Variants in KCNS3 observed in about 807,000 individuals in gnomAD.
The protein encoded by KCNS3 is delayed-rectifier potassium channel regulatory subunit KCNS3.
KCNS3 carries 13 observed loss-of-function variants against 31.0 expected under a neutral mutation model. That is an observed-to-expected ratio of 0.42 (90% confidence interval 0.27 to 0.67). KCNS3 has a LOEUF of 0.67. Ranked by LOEUF, KCNS3 falls within the 30% of genes least tolerant of loss-of-function variation. The probability of loss-of-function intolerance (pLI) is 0.25; values close to 1 mark genes in which losing one functional copy is unlikely to be tolerated. For synonymous variants in KCNS3, 238 were observed against 241.5 expected (o/e 0.99, Z 0.13); for missense variants, 545 against 622.4 (o/e 0.88, Z 1.32).
chr2:17,930,255 G>T (rs1254568745), intron 2 of KCNS3, among the ~76,000 whole-genome samples: 1 of 152,136 alleles, frequency 6.6e-6, no homozygotes, highest in Admixed American at 6.5e-5. Flanking sequence ...CCCAAGTCAG[G>T]TTCTTTTCAT....
intron 1 of KCNS3, among the ~76,000 whole-genome samples, chr2:17,907,403 C>T (rs900328618): frequency 9.2e-5 from 14 of 152,296 alleles, no homozygotes; most frequent in African/African-American, 3.4e-4. Context: ...TGGGTCTTGA[C>T]TCTTTGTCCA....
intron 1 of KCNS3, among the ~76,000 whole-genome samples, chr2:17,893,298 A>G (rs1661902994): frequency 6.6e-6 from 1 of 152,138 alleles, no homozygotes; most frequent in Non-Finnish European, 1.5e-5. Context: ...GTCTGTTTCC[A>G]GGTGGAGAGT....
intron 1 of KCNS3, among the ~76,000 whole-genome samples, chr2:17,911,119 C>T (rs931584046): frequency 2.0e-4 from 31 of 152,300 alleles, no homozygotes; most frequent in African/African-American, 5.8e-4. Context: ...TTCCTTATCT[C>T]GAGGGACTCT....
chr2:17,884,268 A>AAAATATATATATATATAT (rs1459540269), intron 1 of KCNS3, among the ~76,000 whole-genome samples: 5 of 46,692 alleles, frequency 1.1e-4, no homozygotes, highest in South Asian at 9.0e-4. Context: ...AAAAAAAAAA[A>AAAATATATATATATATAT]ATATATATAT....
intron 1 of KCNS3, among the ~76,000 whole-genome samples, chr2:17,894,444 A>G (rs1444629512): frequency 6.6e-6 from 1 of 152,200 alleles, no homozygotes; most frequent in African/African-American, 2.4e-5. Flanking sequence ...AGAGCATATT[A>G]TATTTTTTTG....
intron 1 of KCNS3, among the ~76,000 whole-genome samples, chr2:17,912,902 A>G (rs1036029321): frequency 1.3e-5 from 2 of 152,254 alleles, no homozygotes; most frequent in Non-Finnish European, 1.5e-5. Context: ...ATTTTTAAAA[A>G]TCATGTTAAT....
chr2:17,929,869 G>A (rs1311345969), intron 2 of KCNS3, among the ~76,000 whole-genome samples: 1 of 152,198 alleles, frequency 6.6e-6, no homozygotes, highest in Non-Finnish European at 1.5e-5. Flanking sequence ...GCTGAGAGCA[G>A]TACCCATTTT....
At chr2:17,898,886 C>G (rs940441141) in intron 1 of KCNS3, among the ~76,000 whole-genome samples, 1 of 152,128 alleles carries the variant, frequency 6.6e-6, no homozygotes, top group African/African-American at 2.4e-5. Context: ...ACTTTCAATT[C>G]CAGTTCTTTC....
intron 2 of KCNS3, among the ~76,000 whole-genome samples, chr2:17,926,216 C>A (rs1167142460): frequency 6.6e-6 from 1 of 152,240 alleles, no homozygotes; most frequent in Non-Finnish European, 1.5e-5. Flanking sequence ...TGGTCTTGGG[C>A]AGCTCCACCC....
At chr2:17,912,522 T>C (rs887419195) in intron 1 of KCNS3, among the ~76,000 whole-genome samples, 1 of 152,216 alleles carries the variant, frequency 6.6e-6, no homozygotes, top group Non-Finnish European at 1.5e-5. Flanking sequence ...GACTGTGTTG[T>C]ACTTCCTTCT....
At chr2:17,911,010 G>T (rs1406496920) in intron 1 of KCNS3, among the ~76,000 whole-genome samples, 2 of 152,160 alleles carry the variant, frequency 1.3e-5, no homozygotes, top group Non-Finnish European at 2.9e-5. Flanking sequence ...CCTTGGAGAA[G>T]AGCCTTCTTA....
At position 17,896,059 on chromosome 2, in the gene KCNS3, T is replaced by G. The variant is rs113572635; in HGVS notation, c.-252+17253T>G. Among the ~76,000 whole-genome samples, 732 of 152,282 alleles carry G rather than the reference T, an allele frequency of 4.8e-3. 6 individuals carry two copies. Among genetic ancestry groups the G allele is most frequent in the African/African-American group, 0.017 (695 of 41,548 alleles). On this transcript the variant is annotated intron_variant, in intron 1 of 2. Coordinates refer to ENST00000304101, the MANE Select transcript of KCNS3 (RefSeq NM_002252.5). ...ATTTCTTTTGTTTATTTCTTTTTAT[T>G]TTTTAGAGATGGGCTCACTCTGTTG...
intron 1 of KCNS3, among the ~76,000 whole-genome samples, chr2:17,906,714 G>A (rs1004701137): frequency 2.0e-5 from 3 of 152,074 alleles, no homozygotes; most frequent in Non-Finnish European, 4.4e-5. Flanking sequence ...ATTTCATTAT[G>A]TACCCAGTAG....
At chr2:17,878,947 A>C (rs1043760993) in intron 1 of KCNS3, 141 bp downstream of exon 1, 3 of 152,208 alleles carry the variant, frequency 2.0e-5, no homozygotes, top group African/African-American at 7.2e-5. Context: ...CCGAGGGTCT[A>C]CGGCCGCAGA....
At chr2:17,921,877 C>G (rs1419980660) in intron 2 of KCNS3, among the ~76,000 whole-genome samples, 2 of 136,252 alleles carry the variant, frequency 1.5e-5, no homozygotes, top group Admixed American at 1.5e-4. Flanking sequence ...TATCAGTTTT[C>G]AAATGTCCCT....
rs1290554024 is a variant in KCNS3 at position 17,932,340 on chromosome 2, T to C, written c.1332T>C (p.Tyr444=). Residue 444 remains tyrosine (Y), a synonymous_variant, in exon 3 of 3, where the codon TAT becomes TAC. Coordinates refer to ENST00000304101, the MANE Select transcript of KCNS3 (RefSeq NM_002252.5). ...CTTACTTTAACATTAGGGATATATA[T>C]GCACAGCGGATGCACACCTTCATTA... ...ELPYFNIRDI[Y]AQRMHTFITS... is the part of the protein sequence containing the mutation. 1 of 1,613,988 alleles carries C rather than the reference T, an allele frequency of 6.2e-7. No individual in the cohort carries two copies. The highest frequency in any genetic ancestry group is 1.3e-5 in the African/African-American group (1 of 74,908).
intron 2 of KCNS3, among the ~76,000 whole-genome samples, chr2:17,927,095 T>C (rs1198770002): frequency 1.3e-5 from 2 of 152,310 alleles, no homozygotes; most frequent in African/African-American, 2.4e-5. Flanking sequence ...ATACCCTAAA[T>C]CATCTCTCTC....
intron 1 of KCNS3, among the ~76,000 whole-genome samples, chr2:17,903,641 T>C (rs2125241335): frequency 6.6e-6 from 1 of 151,034 alleles, no homozygotes; most frequent in Admixed American, 6.6e-5. Context: ...CAGTGTGTGA[T>C]GTTCCCCTTC....
chr2:17,884,393 T>C (rs956197253), intron 1 of KCNS3, among the ~76,000 whole-genome samples: 1 of 149,318 alleles, frequency 6.7e-6, no homozygotes, highest in African/African-American at 2.5e-5. Flanking sequence ...CTGTGAAAAA[T>C]GGATTTGCAG....
Sources: allele counts gnomAD v4.1 joint callset (sites outside exome capture counted in the v4.1 genomes callset), GRCh38; gene constraint gnomAD v4.1.1; transcripts MANE v1.5; gene names NCBI Gene and HGNC (gene_info 2026-07-23, HGNC 2026-07-21).